Variants in MPPED1 observed in about 807,000 individuals in gnomAD.
MPPED1 encodes the protein metallophosphoesterase domain containing 1.
A neutral mutation model predicts 36.2 loss-of-function variants in MPPED1; 16 were observed. That is an observed-to-expected ratio of 0.44 (90% CI 0.30 to 0.67). The LOEUF is 0.67. Among genes scored for constraint, MPPED1 ranks in the 30% least tolerant of loss-of-function variants. The pLI is 0.10. For missense variants in MPPED1, 307 were observed against 453.4 expected (o/e 0.68, Z 2.93); for synonymous variants, 199 against 191.3 (o/e 1.04, Z -0.33).
At chr22:43,459,361 T>C (rs2146864405) in intron 3 of MPPED1, among the ~76,000 whole-genome samples, 1 of 152,366 alleles carries the variant, frequency 6.6e-6, no homozygotes, top group East Asian at 1.9e-4. Context: ...ATGCTGGGAT[T>C]ACAGGCGTGA....
At chr22:43,470,484 A>G (rs951731600) in intron 3 of MPPED1, among the ~76,000 whole-genome samples, 83 of 152,330 alleles carry the variant, frequency 5.4e-4, no homozygotes, top group African/African-American at 1.9e-3. Flanking sequence ...GTGTGCATCT[A>G]CATATCCATC....
intron 3 of MPPED1, among the ~76,000 whole-genome samples, chr22:43,437,854 AG>A (rs1420016077): frequency 6.6e-6 from 1 of 152,090 alleles, no homozygotes; most frequent in Non-Finnish European, 1.5e-5. Flanking sequence ...GGGTGTTGGG[AG>A]GAAGACATTG....
chr22:43,432,342 G>C (rs571804905), intron 2 of MPPED1, among the ~76,000 whole-genome samples: 1 of 139,020 alleles, frequency 7.2e-6, no homozygotes, highest in East Asian at 2.2e-4. Flanking sequence ...GAGGGAAAGA[G>C]AGAAGGGGAG....
At position 43,474,488 on chromosome 22, in the gene MPPED1, C is replaced by T. The variant is rs148484273; in HGVS notation, c.407-248C>T. On this transcript the variant is annotated intron_variant, in intron 3 of 6. Transcript: ENST00000443721. This position sits in a 1 kb window ranked among gnomAD's most constrained non-coding sequence, Gnocchi z 5.2. ...GCGATTCCAGCAGCTTCCTCCTGCC[C>T]GCCCCTCTCTCAGCCATGCTGTGGC... Among the ~76,000 whole-genome samples, 477 of 152,328 alleles carry T rather than the reference C, an allele frequency of 3.1e-3. 3 individuals are homozygous for T. Among genetic ancestry groups the T allele is most frequent in the Non-Finnish European group, 4.9e-3 (336 of 68,014 alleles).
rs1208536395 is a variant in MPPED1 at position 43,422,427 on chromosome 22, G to A, written c.-78-2481G>A. On this transcript the variant is annotated intron_variant, in intron 1 of 6. Coordinates refer to ENST00000443721, the MANE Select transcript of MPPED1 (RefSeq NM_001044370.2). ...CAGGTGCAAGAGGCCACCGGGGGCC[G>A]GCCTGTGTGGCTCAAGTAGAGGCCA... Among the ~76,000 whole-genome samples, 4 of 152,300 alleles carry A rather than the reference G, an allele frequency of 2.6e-5. No homozygotes were observed. The East Asian group carries it at 7.7e-4, about 29-fold the overall frequency.
At chr22:43,427,442 G>A (rs2146822844) in intron 2 of MPPED1, among the ~76,000 whole-genome samples, 1 of 152,146 alleles carries the variant, frequency 6.6e-6, no homozygotes, top group East Asian at 1.9e-4. Context: ...TAGAAGACAG[G>A]GGTCTCTGAG....
chr22:43,498,414 G>T lies in MPPED1; in HGVS notation c.748+64G>T, dbSNP rs146857550. 1.5e-3 allele frequency: 2,070 copies of T among 1,352,310 alleles called. 28 individuals carry two copies. The African/African-American group carries it at 0.024, about 16-fold the overall frequency. The allele number at this position is 1,352,310 out of a possible 1,614,324, so 83.8% of individuals were successfully genotyped here. A position where few individuals can be genotyped will look rare whatever the true frequency, so the allele number is the denominator to read the frequency against. ...TGGGCTGGTGGGTGGGCTCTGGGAT[G>T]GGGGGCTGGCTGGGCCTGTATAGGG... On this transcript the variant is annotated intron_variant, in intron 5 of 6. Transcript: ENST00000443721.
At chr22:43,414,013 C>G (rs186114535) in intron 1 of MPPED1, among the ~76,000 whole-genome samples, 2 of 152,152 alleles carry the variant, frequency 1.3e-5, no homozygotes, top group African/African-American at 4.8e-5. Flanking sequence ...CCCCGTGGTA[C>G]GCTTAGAATC....
intron 4 of MPPED1, among the ~76,000 whole-genome samples, chr22:43,485,003 C>A (rs1007132322): frequency 6.6e-6 from 1 of 152,140 alleles, no homozygotes; most frequent in Non-Finnish European, 1.5e-5. Context: ...TGTGCTGCTT[C>A]TACAAACGCA....
In MPPED1 at chr22:43,505,758, G is replaced by A. The variant is rs1208777165; in HGVS notation, c.*142G>A. Reference sequence around the variant, plus strand: ...AGCAGGCAGGTCAGGGCCTTGGAACGACTCTTTAGCCTTCTGTCACCTGGA... The same window carrying A: ...AGCAGGCAGGTCAGGGCCTTGGAACAACTCTTTAGCCTTCTGTCACCTGGA... On this transcript the variant is annotated 3_prime_UTR_variant, in exon 7 of 7. Transcript: ENST00000443721. 9.1e-6 allele frequency: 6 copies of A among 662,450 alleles called. No individual in the cohort carries two copies. In the Admixed American group the frequency reaches 1.1e-4, roughly 12 times the overall value. 41.0% of individuals were successfully genotyped at this position (662,450 alleles called of 1,614,324 possible).
chr22:43,482,542 G>C (rs147287685), intron 4 of MPPED1, among the ~76,000 whole-genome samples: 1 of 152,202 alleles, frequency 6.6e-6, no homozygotes. Context: ...ATCCTGGTAC[G>C]TGGCTCCCAG....
In MPPED1 at chr22:43,502,587, G is replaced by GC; in HGVS notation, c.749-56dup. The GC allele has an allele frequency of 2.9e-6, 4 of 1,380,432 alleles. No individual in the cohort carries two copies. Among genetic ancestry groups the GC allele is most frequent in the Non-Finnish European group, 4.1e-6 (4 of 971,844 alleles). 85.5% of individuals were successfully genotyped at this position (1,380,432 alleles called of 1,614,324 possible). A position where few individuals can be genotyped will look rare whatever the true frequency, so the allele number is the denominator to read the frequency against. ...TGCAGAAGCTGCTGCTAGGCGTGGG[G>GC]CAGTGAGGGGCTGGGACAGACCGCG... On this transcript the variant is annotated intron_variant, in intron 5 of 6. Coordinates refer to ENST00000443721, the MANE Select transcript of MPPED1 (RefSeq NM_001044370.2). The surrounding 1 kb of genome is among the most constrained non-coding windows in gnomAD (Gnocchi z 5.5).
At chr22:43,429,301 C>T (rs1367648427) in intron 2 of MPPED1, among the ~76,000 whole-genome samples, 1 of 152,184 alleles carries the variant, frequency 6.6e-6, no homozygotes, top group East Asian at 1.9e-4. Context: ...CTCCTGGAGA[C>T]ATGGAGCTCA....
chr22:43,435,230 C>T lies in MPPED1; in HGVS notation c.406+15C>T, dbSNP rs761193048. 5 of 1,598,282 alleles carry T rather than the reference C, an allele frequency of 3.1e-6. No individual in the cohort carries two copies. In the East Asian group the frequency reaches 6.7e-5, roughly 21 times the overall value. The stretch of plus-strand genomic sequence containing the variant: ...CGAGTGGCTGGGTAGGTCCCTCCTG[C>T]CCCGGGCGGGCGGCTGTGCTGAGCA... On this transcript the variant is annotated intron_variant, in intron 3 of 6. Coordinates refer to ENST00000443721, the MANE Select transcript of MPPED1 (RefSeq NM_001044370.2).
chr22:43,470,622 G>A (rs1931342979), intron 3 of MPPED1, among the ~76,000 whole-genome samples: 1 of 152,232 alleles, frequency 6.6e-6, no homozygotes, highest in African/African-American at 2.4e-5. Flanking sequence ...AGGCGGGGTA[G>A]CATGATGGTG....
At chr22:43,457,567 T>A (rs1930797464) in intron 3 of MPPED1, among the ~76,000 whole-genome samples, 1 of 152,146 alleles carries the variant, frequency 6.6e-6, no homozygotes, top group Non-Finnish European at 1.5e-5. Flanking sequence ...TCTCTATATA[T>A]CTTATATATT....
In MPPED1 at chr22:43,463,940, G is replaced by T. The variant is rs1167037033; in HGVS notation, c.407-10796G>T. Among the ~76,000 whole-genome samples, 3 of 147,872 alleles carry T rather than the reference G, an allele frequency of 2.0e-5. No individual in the cohort carries two copies. The Admixed American group carries it at 2.1e-4, about 10-fold the overall frequency. ...CTTCTTTTCTTTGAGACAGAGTCTT[G>T]CTCTGTTGCCCAGGCTGGGGTGTAG... On this transcript the variant is annotated intron_variant, in intron 3 of 6. Coordinates refer to ENST00000443721, the MANE Select transcript of MPPED1 (RefSeq NM_001044370.2).
At chr22:43,424,757 G>A in intron 1 of MPPED1, 151 bp from the exon 2 acceptor site, 1 of 1,017,970 alleles carries the variant, frequency 9.8e-7, no homozygotes, top group Non-Finnish European at 1.3e-6. Context: ...CTGCTGAGTT[G>A]GAAAGATTTG....
chr22:43,462,430 T>G (rs1930986366), intron 3 of MPPED1, among the ~76,000 whole-genome samples: 1 of 152,174 alleles, frequency 6.6e-6, no homozygotes, highest in Non-Finnish European at 1.5e-5. Flanking sequence ...GATTGCTATG[T>G]TTTGATTTTT....
Sources: allele counts gnomAD v4.1 joint callset (sites outside exome capture counted in the v4.1 genomes callset), GRCh38; gene constraint gnomAD v4.1.1; non-coding constraint Gnocchi (gnomAD v3.1); transcripts MANE v1.5; gene names NCBI Gene and HGNC (gene_info 2026-07-23, HGNC 2026-07-21).